Variants in ADGRE5 observed in about 807,000 individuals in gnomAD.
The protein encoded by ADGRE5 is CD97 molecule.
In ADGRE5, 72 loss-of-function variants were observed where a neutral mutation model predicts 100.3. That is an observed-to-expected ratio of 0.72 (90% CI 0.59 to 0.87). ADGRE5 has a LOEUF of 0.87. Among genes scored for constraint, ADGRE5 ranks in the 40% least tolerant of loss-of-function variants. The probability of loss-of-function intolerance (pLI) is 0.00; values close to 1 mark genes in which losing one functional copy is unlikely to be tolerated. For missense variants in ADGRE5, 959 were observed against 1,094.7 expected (o/e 0.88, Z 1.75); for synonymous variants, 439 against 447.8 (o/e 0.98, Z 0.25).
intron 9 of ADGRE5, among the ~76,000 whole-genome samples, chr19:14,399,513 G>A (rs1041130434): frequency 7.6e-5 from 10 of 132,280 alleles, no homozygotes; most frequent in Non-Finnish European, 1.4e-4. Flanking sequence ...GCAGTGAGCC[G>A]AGATCCCGCC....
intron 1 of ADGRE5, 51 bp downstream of exon 1, chr19:14,381,596 C>T: frequency 5.1e-6 from 8 of 1,568,662 alleles, no homozygotes; most frequent in Non-Finnish European, 6.9e-6. Context: ...CCAGCGGGAC[C>T]CCTTGGCTGC....
At chr19:14,400,554 G>A (rs576709407) in intron 9 of ADGRE5, among the ~76,000 whole-genome samples, 41 of 152,270 alleles carry the variant, frequency 2.7e-4, no homozygotes, top group African/African-American at 9.9e-4. Context: ...CACTTTGGGA[G>A]GCTGAGGCAG....
At chr19:14,407,580 G>A (rs1190285789) in intron 18 of ADGRE5, among the ~76,000 whole-genome samples, 1 of 151,198 alleles carries the variant, frequency 6.6e-6, no homozygotes, top group Non-Finnish European at 1.5e-5. Flanking sequence ...AACCAGGAGT[G>A]CAGTGGGCCA....
intron 1 of ADGRE5, among the ~76,000 whole-genome samples, 163 bp from the exon 2 acceptor site, chr19:14,388,287 G>T (rs1437280764): frequency 1.3e-5 from 2 of 151,980 alleles, no homozygotes; most frequent in Non-Finnish European, 2.9e-5. Context: ...AGACTCTTTG[G>T]CTTTGAGCAT....
chr19:14,389,478 A>G (rs1179276226), intron 3 of ADGRE5, among the ~76,000 whole-genome samples: 1 of 151,042 alleles, frequency 6.6e-6, no homozygotes, highest in Admixed American at 6.6e-5. Context: ...CATGCCTGTA[A>G]TCCCAGCACT....
chr19:14,407,323 C>T, intron 18 of ADGRE5, 94 bp downstream of exon 18: 1 of 1,392,746 alleles, frequency 7.2e-7, no homozygotes, highest in Admixed American at 1.8e-5. Context: ...AAGTTGGAGA[C>T]CAGCCTGGGC....
chr19:14,389,723 C>G (rs1417118385), intron 3 of ADGRE5, among the ~76,000 whole-genome samples: 1 of 142,566 alleles, frequency 7.0e-6, no homozygotes, highest in African/African-American at 2.6e-5. Context: ...GCGACCAGAG[C>G]AAGACTTTGT....
intron 13 of ADGRE5, 163 bp from the exon 14 acceptor site, chr19:14,405,580 AATCCC>A: frequency 3.4e-6 from 2 of 586,288 alleles, no homozygotes; most frequent in East Asian, 5.9e-5. Context: ...AAAAATGTGA[AATCCC>A]TAGACTCCCC....
chr19:14,393,081 G>A (rs1417280784), intron 4 of ADGRE5, among the ~76,000 whole-genome samples: 4 of 151,634 alleles, frequency 2.6e-5, no homozygotes, highest in Admixed American at 6.6e-5. Context: ...GGCATCTGTA[G>A]TCCCAGCTAC....
intron 3 of ADGRE5, among the ~76,000 whole-genome samples, chr19:14,389,469 A>C (rs1382274134): frequency 1.3e-5 from 2 of 151,234 alleles, no homozygotes; most frequent in Non-Finnish European, 3.0e-5. Flanking sequence ...ATGGTGGGTC[A>C]TGCCTGTAAT....
chr19:14,394,225 A>T (rs544766122), intron 4 of ADGRE5, among the ~76,000 whole-genome samples: 1 of 152,296 alleles, frequency 6.6e-6, no homozygotes, highest in African/African-American at 2.4e-5. Flanking sequence ...AAAGCAGGTG[A>T]TGGAGCCAAC....
intron 9 of ADGRE5, among the ~76,000 whole-genome samples, chr19:14,400,770 A>T (rs1234872325): frequency 1.3e-5 from 2 of 151,666 alleles, no homozygotes; most frequent in African/African-American, 4.8e-5. Flanking sequence ...CCAGCCTGGG[A>T]GACAGAGTGA....
chr19:14,396,577 C>A, intron 5 of ADGRE5, 104 bp downstream of exon 5: 2 of 1,529,288 alleles, frequency 1.3e-6, no homozygotes, highest in Non-Finnish European at 1.8e-6. Flanking sequence ...TCCGCAGGTT[C>A]CCACAAGGTC....
At chr19:14,407,879 C>T in intron 18 of ADGRE5, 29 bp from the exon 19 acceptor site, 1 of 1,593,702 alleles carries the variant, frequency 6.3e-7, no homozygotes, top group East Asian at 2.2e-5. Context: ...GGGCCTGCTC[C>T]TGCCCTGACT....
At chr19:14,386,252 G>A (rs564165816) in intron 1 of ADGRE5, among the ~76,000 whole-genome samples, 3 of 151,450 alleles carry the variant, frequency 2.0e-5, no homozygotes, top group East Asian at 2.0e-4. Context: ...GGTGGTGGGC[G>A]CCAGTAGTTC....
rs756655627 is a variant in ADGRE5 at position 14,407,901 on chromosome 19, C to T, written c.2377-7C>T. 3 of 1,613,456 alleles carry T rather than the reference C, an allele frequency of 1.9e-6. No homozygotes were observed. Among genetic ancestry groups the T allele is most frequent in the Non-Finnish European group, 2.5e-6 (3 of 1,179,584 alleles). ...CTCCTGCCCTGACTTGGTGTCTGGGCCGGCAGGTTCGGGAAGAATACCGGA... is the reference window on the plus strand; with the variant it reads ...CTCCTGCCCTGACTTGGTGTCTGGGTCGGCAGGTTCGGGAAGAATACCGGA... On this transcript the variant is annotated splice_region_variant and splice_polypyrimidine_tract_variant and intron_variant, in intron 18 of 19. Coordinates refer to ENST00000242786, the MANE Select transcript of ADGRE5 (RefSeq NM_078481.4).
Position 14,406,056 on chromosome 19 carries a change from GC to G in ADGRE5, c.1821+121del, listed in dbSNP as rs1458915557. 1 of 910,832 alleles carries G rather than the reference GC, an allele frequency of 1.1e-6. No homozygotes were observed. Among genetic ancestry groups the G allele is most frequent in the Non-Finnish European group, 1.6e-6 (1 of 619,736 alleles). 56.4% of individuals were successfully genotyped at this position (910,832 alleles called of 1,614,324 possible). ...GCGGGCCCTGGAGGCATGAGGCCCC[GC>G]CCCTGTCCGGGATCTGGCCCCGCCC... On this transcript the variant is annotated intron_variant, in intron 14 of 19. Coordinates refer to ENST00000242786, the MANE Select transcript of ADGRE5 (RefSeq NM_078481.4). This position sits in a 1 kb window ranked among gnomAD's most constrained non-coding sequence, Gnocchi z 6.0.
Position 14,388,806 on chromosome 19 carries a change from G to A in ADGRE5, c.178G>A (p.Glu60Lys). Residue 60 changes from glutamate to lysine, a missense_variant, in exon 3 of 20, where the codon GAG (glutamate) becomes AAG (lysine). This residue lies in a region of ADGRE5 where 114 missense variants were observed against 195.7 expected (regional missense o/e 0.58). Transcript: ENST00000242786. ...SFSEIITTPT[E>K]TCDDINECAT... ...TTCTGAGATCATCACCACCCCGACGGAGACTTGTGACGGTACAGAGGCTTG... is the reference window on the plus strand; with the variant it reads ...TTCTGAGATCATCACCACCCCGACGAAGACTTGTGACGGTACAGAGGCTTG... The A allele has an allele frequency of 6.2e-7, 1 of 1,613,466 alleles. No individual in the cohort carries two copies. Among genetic ancestry groups the A allele is most frequent in the Non-Finnish European group, 8.5e-7 (1 of 1,179,686 alleles).
At position 14,408,151 on chromosome 19, in the gene ADGRE5, T is replaced by G. The variant is rs760765537; in HGVS notation, c.*30T>G. On this transcript the variant is annotated 3_prime_UTR_variant, in exon 20 of 20. Transcript: ENST00000242786. ...GCATGGTTCTGGACGGCCCAGCAGC[T>G]CCTGTGGCCACAGCAGCTTTGTACA... 1.2e-6 allele frequency: 2 copies of G among 1,611,112 alleles called. No individual in the cohort carries two copies. Among genetic ancestry groups the G allele is most frequent in the South Asian group, 2.2e-5 (2 of 90,940 alleles).
Sources: allele counts gnomAD v4.1 joint callset (sites outside exome capture counted in the v4.1 genomes callset), GRCh38; gene constraint gnomAD v4.1.1; regional missense constraint gnomAD v4.1.1; non-coding constraint Gnocchi (gnomAD v3.1); transcripts MANE v1.5; gene names NCBI Gene and HGNC (gene_info 2026-07-23, HGNC 2026-07-21).